NUP98: variants seen among roughly 807,000 people sequenced by gnomAD.
The protein encoded by NUP98 is nuclear pore complex protein Nup98-Nup96.
In NUP98, 26 loss-of-function variants were observed where a neutral mutation model predicts 191.9. The observed-to-expected ratio is 0.14, with a 90% CI of 0.10 to 0.19. The LOEUF (loss-of-function observed/expected upper bound fraction) is 0.19, where lower values mean the gene tolerates loss of function less well. Among genes scored for constraint, NUP98 ranks in the 10% least tolerant of loss-of-function variants. NUP98 has a pLI of 1.00. For synonymous variants in NUP98, 808 were observed against 778.4 expected, an observed-to-expected ratio of 1.04 and a Z score of -0.63; for missense variants, 1,941 against 2,178.8, an observed-to-expected ratio of 0.89 and a Z score of 2.17.
chr11:3,699,291 T>C lies in NUP98; in HGVS notation c.3800A>G (p.Lys1267Arg). 6.2e-7 allele frequency: 1 copy of C among 1,614,176 alleles called. No homozygotes were observed. The highest frequency in any genetic ancestry group is 1.1e-5 in the South Asian group (1 of 91,084). ...TTCATTTAGCTGGCTGTCAAGCTCCTTCAGGTGGCCCCATAGGGCTTCACA... is the reference window on the plus strand; with the variant it reads ...TTCATTTAGCTGGCTGTCAAGCTCCCTCAGGTGGCCCCATAGGGCTTCACA... ...TLCEALWGHL[K>R]ELDSQLNEPR... Residue 1267 changes from lysine to arginine, a missense_variant, in exon 25 of 33, where the codon AAG becomes AGG. Transcript: ENST00000324932.
chr11:3,712,486 C>T, intron 20 of NUP98, 78 bp downstream of exon 20: 1 of 1,587,300 alleles, frequency 6.3e-7, no homozygotes, highest in Non-Finnish European at 8.6e-7. Flanking sequence ...CATAAAACAG[C>T]TTTGTATTAG....
intron 9 of NUP98, among the ~76,000 whole-genome samples, chr11:3,761,761 A>AAAAAC (rs1273271388): frequency 3.0e-4 from 45 of 152,178 alleles, no homozygotes; most frequent in African/African-American, 1.0e-3. Flanking sequence ...TCCGTCTCAA[A>AAAAAC]AAAACAAAAC....
chr11:3,708,442 C>G lies in NUP98; in HGVS notation c.2743-1815G>C, dbSNP rs185187216. ...AACCAGATTAGAGACCTAAGGGACT[C>G]GTCGTATGTTTACGAAGAATGCTAA... On this transcript the variant is annotated intron_variant, in intron 20 of 32. Coordinates refer to ENST00000324932, the MANE Select transcript of NUP98 (RefSeq NM_016320.5). Among the ~76,000 whole-genome samples the G allele has an allele frequency of 1.5e-4, 23 of 152,160 alleles. No homozygotes were observed. In the East Asian group the frequency reaches 4.4e-3, roughly 29 times the overall value.
At chr11:3,751,554 C>G (rs190607142) in intron 11 of NUP98, among the ~76,000 whole-genome samples, 244 of 152,152 alleles carry the variant, frequency 1.6e-3, no homozygotes, top group African/African-American at 5.1e-3. Flanking sequence ...AACTTTTTAC[C>G]AGCACTTACA....
At chr11:3,689,312 G>A (rs1396772553) in intron 28 of NUP98, among the ~76,000 whole-genome samples, 1 of 152,090 alleles carries the variant, frequency 6.6e-6, no homozygotes, top group African/African-American at 2.4e-5. Flanking sequence ...AGATCACGAG[G>A]TCAGGAGATC....
intron 2 of NUP98, among the ~76,000 whole-genome samples, chr11:3,780,805 C>T (rs1012336262): frequency 1.3e-5 from 2 of 151,660 alleles, no homozygotes; most frequent in Non-Finnish European, 1.5e-5. Flanking sequence ...GGAGGCCAGG[C>T]GCAGTGGCTC....
intron 10 of NUP98, among the ~76,000 whole-genome samples, chr11:3,756,975 C>T (rs1056942866): frequency 6.6e-5 from 10 of 151,732 alleles, no homozygotes; most frequent in African/African-American, 2.4e-4. Context: ...ACAGTCCCAG[C>T]TACTTGGGAG....
intron 28 of NUP98, among the ~76,000 whole-genome samples, chr11:3,686,827 A>G (rs1193474140): frequency 6.6e-6 from 1 of 152,126 alleles, no homozygotes; most frequent in Non-Finnish European, 1.5e-5. Context: ...CCTCTACTAA[A>G]AATACAAAAA....
intron 14 of NUP98, among the ~76,000 whole-genome samples, chr11:3,729,543 C>CAAAAAAA (rs36045405): frequency 1.8e-5 from 1 of 55,748 alleles, no homozygotes; most frequent in Non-Finnish European, 3.3e-5. Context: ...CCTGTATCTC[C>CAAAAAAA]AAAAAAAAAA....
rs367854149 is a variant in NUP98, at chr11:3,744,629, A to T, written c.1288T>A (p.Ser430Thr). 1.5e-4 allele frequency: 240 copies of T among 1,613,258 alleles called. No individual in the cohort carries two copies. The highest frequency in any genetic ancestry group is 3.3e-4 in the Middle Eastern group (2 of 6,058). The change falls in exon 12 of 33, where the codon TCT (serine) becomes ACT (threonine). Residue 430 changes from serine to threonine, a missense_variant. Physicochemically the swap from Ser to Thr is moderately conservative, Grantham distance 58. Transcript: ENST00000324932. The stretch of plus-strand genomic sequence containing the variant: ...TTAGGTTGGTTGTTCCCAAACAAAG[A>T]TGCCTGTCCAGCACCAAGAGCTACG... ...FGTALGAGQASLFGNNQPKIG... is the reference protein window; with the variant it reads ...FGTALGAGQATLFGNNQPKIG...
At position 3,734,254 on chromosome 11, in the gene NUP98, G is replaced by A. The variant is rs191381054; in HGVS notation, c.1542+937C>T. Among the ~76,000 whole-genome samples, 288 of 152,134 alleles carry A rather than the reference G, an allele frequency of 1.9e-3. 4 individuals carry two copies. Among genetic ancestry groups the A allele is most frequent in the African/African-American group, 6.4e-3 (264 of 41,498 alleles). On this transcript the variant is annotated intron_variant, in intron 13 of 32. Coordinates refer to ENST00000324932, the MANE Select transcript of NUP98 (RefSeq NM_016320.5). Reference sequence around the variant, plus strand: ...TTTCACCGTGTTGACCAGGCTGGTCGTGAACTGAACTCAGGTGATCCACCC... The same window carrying A: ...TTTCACCGTGTTGACCAGGCTGGTCATGAACTGAACTCAGGTGATCCACCC...
rs541082555 is a variant in NUP98 at position 3,770,809 on chromosome 11, G to A, written c.784+939C>T. ...ACATCCCACATTAAACCAATGCATC[G>A]GCAAATTCCATCAGTTCTATAATCA... On this transcript the variant is annotated intron_variant, in intron 7 of 32. Coordinates refer to ENST00000324932, the MANE Select transcript of NUP98 (RefSeq NM_016320.5). 4.6e-5 allele frequency among the ~76,000 whole-genome samples: 7 copies of A among 151,986 alleles called. No individual in the cohort carries two copies. The South Asian group carries it at 6.2e-4, about 14-fold the overall frequency.
In NUP98 at chr11:3,700,564, CACT is replaced by C. The variant is rs750593191; in HGVS notation, c.3742+43_3742+45del. ...TCCTCCCGTGAACATACGCTACCAC[CACT>C]ATTATTGGGACATCAAACATTAGAA... On this transcript the variant is annotated intron_variant, in intron 24 of 32. Transcript: ENST00000324932. 392 of 1,329,392 alleles carry C rather than the reference CACT, an allele frequency of 2.9e-4. 1 individual carries two copies. Among genetic ancestry groups the C allele is most frequent in the South Asian group, 5.8e-4 (46 of 79,586 alleles). The allele number at this position is 1,329,392 out of a possible 1,614,324, so 82.3% of individuals were successfully genotyped here. A position where few individuals can be genotyped will look rare whatever the true frequency, so the allele number is the denominator to read the frequency against.
In NUP98 at chr11:3,687,937, T is replaced by C. The variant is rs184056536; in HGVS notation, c.4455-1743A>G. On this transcript the variant is annotated intron_variant, in intron 28 of 32. Coordinates refer to ENST00000324932, the MANE Select transcript of NUP98 (RefSeq NM_016320.5). ...AGACATTTTAGCAAAGATGTACAGA[T>C]GGTAAATAAGCACATGACAAAGTGC... 3.9e-4 allele frequency among the ~76,000 whole-genome samples: 60 copies of C among 152,176 alleles called. 1 individual carries two copies. The highest frequency in any genetic ancestry group is 2.6e-3 in the Admixed American group (40 of 15,278).
At chr11:3,787,442 A>ACTCG (rs2082180691) in intron 1 of NUP98, among the ~76,000 whole-genome samples, 1 of 152,036 alleles carries the variant, frequency 6.6e-6, no homozygotes, top group African/African-American at 2.4e-5. Context: ...CATTAGCCAG[A>ACTCG]AGCGGTGGCG....
At chr11:3,768,067 A>G (rs186491725) in intron 8 of NUP98, among the ~76,000 whole-genome samples, 3 of 152,296 alleles carry the variant, frequency 2.0e-5, no homozygotes, top group Admixed American at 6.5e-5. Context: ...GATCGCCTCA[A>G]TAGCATCTCA....
intron 25 of NUP98, among the ~76,000 whole-genome samples, chr11:3,696,236 T>C (rs964836316): frequency 6.6e-6 from 1 of 151,966 alleles, no homozygotes; most frequent in African/African-American, 2.4e-5. Flanking sequence ...GCACGGTGGC[T>C]CACACCTGTA....
At chr11:3,780,541 C>CAA (rs142060672) in intron 2 of NUP98, among the ~76,000 whole-genome samples, 13 of 74,770 alleles carry the variant, frequency 1.7e-4, no homozygotes, top group Non-Finnish European at 3.3e-4. Flanking sequence ...GACTCCATCT[C>CAA]AAAAAAAAAA....
At chr11:3,722,400 G>C (rs2079436872) in intron 16 of NUP98, among the ~76,000 whole-genome samples, 1 of 151,754 alleles carries the variant, frequency 6.6e-6, no homozygotes, top group Non-Finnish European at 1.5e-5. Context: ...CCACACCCAG[G>C]CTACCTGGGA....
Sources: allele counts gnomAD v4.1 joint callset (sites outside exome capture counted in the v4.1 genomes callset), GRCh38; gene constraint gnomAD v4.1.1; transcripts MANE v1.5; gene names NCBI Gene and HGNC (gene_info 2026-07-23, HGNC 2026-07-21).